GC: variants seen among roughly 807,000 people sequenced by gnomAD.
GC encodes the protein vitamin D-binding protein.
A neutral mutation model predicts 56.7 loss-of-function variants in GC; 43 were observed. That is an observed-to-expected ratio of 0.76 (90% CI 0.59 to 0.98). The LOEUF (loss-of-function observed/expected upper bound fraction) is 0.98. Among genes scored for constraint, GC ranks in the 50% least tolerant of loss-of-function variants. The pLI, the probability that GC is intolerant of heterozygous loss-of-function variation, is 0.00. For synonymous variants in GC, 216 were observed against 202.7 expected (o/e 1.07, Z -0.56); for missense variants, 529 against 545.9 (o/e 0.97, Z 0.31).
intron 11 of GC, among the ~76,000 whole-genome samples, chr4:71,750,596 G>C (rs1741515943): frequency 6.6e-6 from 1 of 152,032 alleles, no homozygotes; most frequent in African/African-American, 2.4e-5. Context: ...TATAGAAAGG[G>C]CCTTCTGGCC....
At chr4:71,763,366 A>G in intron 6 of GC, 42 bp downstream of exon 6, 3 of 1,036,290 alleles carry the variant, frequency 2.9e-6, no homozygotes, top group Non-Finnish European at 4.5e-6. Flanking sequence ...TAGACAGTGC[A>G]GAACCAAACA....
rs117492633 is a variant in GC, at chr4:71,755,091, T to G, written c.1051A>C (p.Ser351Arg). 1 of 1,579,352 alleles carries G rather than the reference T, an allele frequency of 6.3e-7. No individual in the cohort carries two copies. Among genetic ancestry groups the G allele is most frequent in the Admixed American group, 1.8e-5 (1 of 56,736 alleles). Residue 351 changes from serine (S) to arginine (R), a missense_variant, in exon 9 of 13, where the codon AGC becomes CGC. Physicochemically the swap from Ser to Arg is moderately radical, Grantham distance 110 (BLOSUM62 -1). Coordinates refer to ENST00000273951, the MANE Select transcript of GC (RefSeq NM_000583.4). ...KVMDKYTFELSRRTHLPEVFL... is the reference protein window; with the variant it reads ...KVMDKYTFELRRRTHLPEVFL... ...ACTTCCGGAAGATGAGTCCTTCTGC[T>G]TAGTTCAAATGTATACCTAGCATGA...
chr4:71,775,571 A>T (rs1469962604), intron 1 of GC, among the ~76,000 whole-genome samples: 1 of 151,970 alleles, frequency 6.6e-6, no homozygotes, highest in Non-Finnish European at 1.5e-5. Flanking sequence ...ATAGGGGAAA[A>T]GCTCCATGAT....
intron 1 of GC, among the ~76,000 whole-genome samples, chr4:71,793,480 G>T (rs1278935318): frequency 1.3e-5 from 2 of 152,152 alleles, no homozygotes; most frequent in Non-Finnish European, 2.9e-5. Context: ...GTATAGGAAT[G>T]CTTGTGATTT....
At chr4:71,798,675 T>C (rs1366079935) in intron 1 of GC, among the ~76,000 whole-genome samples, 1 of 152,206 alleles carries the variant, frequency 6.6e-6, no homozygotes, top group Non-Finnish European at 1.5e-5. Flanking sequence ...AGAGTGAGTC[T>C]ACAAAAAGCC....
chr4:71,800,790 G>T lies in GC; in HGVS notation c.21+3136C>A, dbSNP rs140213679. Among the ~76,000 whole-genome samples the T allele has an allele frequency of 1.7e-3, 256 of 152,238 alleles. 1 individual carries two copies. Among genetic ancestry groups the T allele is most frequent in the African/African-American group, 5.9e-3 (246 of 41,542 alleles). ...ATTGCCATCCGACTGGCATGTGATG[G>T]TATCTCATTGTGATTTTGATTTGCA... On this transcript the variant is annotated intron_variant, in intron 1 of 13. Transcript: ENST00000504199.
At chr4:71,766,536 T>C (rs770510934) in intron 3 of GC, among the ~76,000 whole-genome samples, 35 of 152,154 alleles carry the variant, frequency 2.3e-4, no homozygotes, top group Non-Finnish European at 5.1e-4. Flanking sequence ...AAAAATTACT[T>C]TGGGATTTAT....
At position 71,756,711 on chromosome 4, in the gene GC, C is replaced by T; in HGVS notation, c.1034+1G>A. On this transcript the variant is annotated splice_donor_variant, in intron 8 of 12. Coordinates refer to ENST00000273951, the MANE Select transcript of GC (RefSeq NM_000583.4). LOFTEE classifies it high-confidence loss of function. The stretch of plus-strand genomic sequence containing the variant: ...AACGTTTTCACATCACCTCTACTTA[C>T]TTATCCATGACTTTGGTGTTTCCTG... 1.9e-6 allele frequency: 3 copies of T among 1,605,024 alleles called. No individual in the cohort carries two copies. The highest frequency in any genetic ancestry group is 2.6e-6 in the Non-Finnish European group (3 of 1,171,822).
chr4:71,793,303 T>C (rs1015784879), intron 1 of GC, among the ~76,000 whole-genome samples: 3 of 152,222 alleles, frequency 2.0e-5, no homozygotes, highest in African/African-American at 7.2e-5. Context: ...GCATAGAATA[T>C]TCTTCCATTT....
Position 71,756,775 on chromosome 4 carries a change from G to A in GC, c.971C>T (p.Pro324Leu). 1.2e-6 allele frequency: 2 copies of A among 1,613,792 alleles called. No homozygotes were observed. Among genetic ancestry groups the A allele is most frequent in the Non-Finnish European group, 1.7e-6 (2 of 1,179,796 alleles). The change falls in exon 8 of 13, where the codon CCA (proline) becomes CTA (leucine). Residue 324 changes from proline to leucine, a missense_variant. Coordinates refer to ENST00000273951, the MANE Select transcript of GC (RefSeq NM_000583.4). ...FMPAAQLPEL[P>L]DVELPTNKDV... ...TTTGTTTGTGGGCAACTCTACATCT[G>A]GAAGCTCGGGGAGTTGGGCAGCTGG...
chr4:71,742,281 A>G (rs576966251), intron 12 of GC, among the ~76,000 whole-genome samples: 16 of 152,358 alleles, frequency 1.1e-4, no homozygotes, highest in Admixed American at 2.0e-4. Flanking sequence ...TTAGCAAAAC[A>G]TAAGTGTGAA....
intron 1 of GC, among the ~76,000 whole-genome samples, chr4:71,775,861 C>T (rs13150260): frequency 3.9e-5 from 6 of 151,960 alleles, no homozygotes; most frequent in Non-Finnish European, 8.8e-5. Context: ...ACAGACATTT[C>T]TCAGAAGAAA....
chr4:71,802,803 G>A (rs1743282259), intron 1 of GC, among the ~76,000 whole-genome samples: 1 of 152,004 alleles, frequency 6.6e-6, no homozygotes, highest in Non-Finnish European at 1.5e-5. Flanking sequence ...CTTACAATGG[G>A]GCTACACCCC....
chr4:71,747,584 A>T lies in GC; in HGVS notation c.1396-1379T>A, dbSNP rs900869056. Among the ~76,000 whole-genome samples, 3 of 152,156 alleles carry T rather than the reference A, an allele frequency of 2.0e-5. 1 individual carries two copies. The highest frequency in any genetic ancestry group is 4.4e-5 in the Non-Finnish European group (3 of 68,008). Reference sequence around the variant, plus strand: ...AATTGAAAAATGTTTATTAGATTTAACAAGAAGGATATTGTTGGCGTGCCT... The same window carrying T: ...AATTGAAAAATGTTTATTAGATTTATCAAGAAGGATATTGTTGGCGTGCCT... On this transcript the variant is annotated intron_variant, in intron 11 of 12. Transcript: ENST00000273951.
In GC at chr4:71,761,000, G is replaced by A. The variant is rs143383481; in HGVS notation, c.701+2408C>T. Reference sequence around the variant, plus strand: ...TACAGTAAATTTGTACCAGGAGTGCGGTGCTGCTGAAAAGATACCCGAAAA... The same window carrying A: ...TACAGTAAATTTGTACCAGGAGTGCAGTGCTGCTGAAAAGATACCCGAAAA... On this transcript the variant is annotated intron_variant, in intron 6 of 12. Transcript: ENST00000273951. 2.4e-3 allele frequency among the ~76,000 whole-genome samples: 365 copies of A among 152,256 alleles called. 1 individual carries two copies. Among genetic ancestry groups the A allele is most frequent in the African/African-American group, 8.3e-3 (345 of 41,542 alleles).
At chr4:71,754,565 C>A (rs1578285784) in intron 9 of GC, 57 bp from the exon 10 acceptor site, 20 of 905,722 alleles carry the variant, frequency 2.2e-5, no homozygotes, top group East Asian at 5.0e-5. Flanking sequence ...CTTGTCCCAT[C>A]AAGCCATTAA....
intron 1 of GC, among the ~76,000 whole-genome samples, chr4:71,802,825 C>T (rs531847287): frequency 6.6e-6 from 1 of 152,278 alleles, no homozygotes; most frequent in South Asian, 2.1e-4. Context: ...ATAACCCCAT[C>T]AAAAATTGAA....
Position 71,754,429 on chromosome 4 carries a change from A to T in GC, c.1244T>A (p.Phe415Tyr). ...TTCTTACTTTTTCTTGTACTCAGTA[A>T]ATGTATTTTCTGAATAATCTGCACA... ...ELCADYSENT[F>Y]TEYKKKLAER... Residue 415 changes from phenylalanine (F) to tyrosine (Y), a missense_variant, in exon 10 of 13, where the codon TTT becomes TAT. By Grantham distance (22) the Phe-to-Tyr change is conservative (BLOSUM62 3). Transcript: ENST00000273951. 6.5e-7 allele frequency: 1 copy of T among 1,544,006 alleles called. No homozygotes were observed. Among genetic ancestry groups the T allele is most frequent in the Non-Finnish European group, 8.9e-7 (1 of 1,118,858 alleles).
intron 11 of GC, among the ~76,000 whole-genome samples, chr4:71,748,019 T>C (rs1197292659): frequency 1.3e-5 from 2 of 152,204 alleles, no homozygotes; most frequent in African/African-American, 4.8e-5. Flanking sequence ...GGCTGACGTC[T>C]ATGACAAGGA....
Sources: allele counts gnomAD v4.1 joint callset (sites outside exome capture counted in the v4.1 genomes callset), GRCh38; gene constraint gnomAD v4.1.1; transcripts MANE v1.5; gene names NCBI Gene and HGNC (gene_info 2026-07-23, HGNC 2026-07-21).